The following TENM2 variants were observed in gnomAD, a reference collection of about 807,000 sequenced individuals.
TENM2 encodes the protein teneurin transmembrane protein 2, also known as teneurin-2.
In TENM2, 52 loss-of-function variants were observed where a neutral mutation model predicts 245.2. The observed-to-expected ratio is 0.21, with a 90% CI of 0.17 to 0.27. The LOEUF is 0.27. Among genes scored for constraint, TENM2 ranks in the 10% least tolerant of loss-of-function variants. The probability of loss-of-function intolerance (pLI) is 1.00; values close to 1 mark genes in which losing one functional copy is unlikely to be tolerated. For synonymous variants in TENM2, 1,363 were observed against 1,438.9 expected (o/e 0.95, Z 1.19); for missense variants, 3,046 against 3,666.8 (o/e 0.83, Z 4.37).
At chr5:167,091,694 T>C in the TENM2 span, among the ~76,000 whole-genome samples, 3 of 152,198 alleles carry the variant, frequency 2.0e-5, no homozygotes, top group Non-Finnish European at 4.4e-5. Flanking sequence ...AAAGACATTA[T>C]CTTTAAAAAA....
chr5:168,035,299 C>T (rs925417666), intron 5 of TENM2, among the ~76,000 whole-genome samples: 1 of 152,114 alleles, frequency 6.6e-6, no homozygotes, highest in African/African-American at 2.4e-5. Context: ...GAGTTTGAGA[C>T]CAGCCTGGCC....
chr5:168,118,628 T>G, intron 10 of TENM2, 142 bp downstream of exon 12: 1 of 564,048 alleles, frequency 1.8e-6, no homozygotes, highest in South Asian at 5.6e-5. Context: ...CAAACTCCTT[T>G]GCTTTGATAA....
chr5:167,973,490 C>T (rs1781955058), intron 4 of TENM2, among the ~76,000 whole-genome samples: 1 of 152,134 alleles, frequency 6.6e-6, no homozygotes, highest in Non-Finnish European at 1.5e-5. Flanking sequence ...GAATCACAGT[C>T]TAGTGGGAGA....
chr5:167,643,830 T>TG (rs1237295739), intron 2 of TENM2, among the ~76,000 whole-genome samples: 7 of 152,238 alleles, frequency 4.6e-5, no homozygotes, highest in Non-Finnish European at 1.0e-4. Context: ...GAGGGTGCTA[T>TG]GATGCAAATA....
intron 2 of TENM2, among the ~76,000 whole-genome samples, chr5:167,785,475 G>T (rs148068696): frequency 6.6e-6 from 1 of 152,264 alleles, no homozygotes; most frequent in East Asian, 1.9e-4. Flanking sequence ...TTCTAGTCCT[G>T]CAGGAAAAGG....
At chr5:167,875,864 G>C in intron 2 of TENM2, 122 bp from the exon 5 acceptor site, 1 of 660,434 alleles carries the variant, frequency 1.5e-6, no homozygotes, top group Non-Finnish European at 2.6e-6. Context: ...CACATCTGGA[G>C]CAGTTCATTT....
At chr5:167,775,662 A>C (rs984723373) in intron 2 of TENM2, among the ~76,000 whole-genome samples, 3 of 152,168 alleles carry the variant, frequency 2.0e-5, no homozygotes, top group Admixed American at 6.5e-5. Context: ...TACTCTGGGC[A>C]CATTCTGTGT....
At chr5:167,145,744 A>G in the TENM2 span, among the ~76,000 whole-genome samples, 2 of 152,160 alleles carry the variant, frequency 1.3e-5, no homozygotes, top group Non-Finnish European at 2.9e-5. Context: ...TACAATGCCA[A>G]TGGGACTGAA....
At chr5:167,221,926 A>G in the TENM2 span, among the ~76,000 whole-genome samples, 3 of 152,326 alleles carry the variant, frequency 2.0e-5, no homozygotes, top group East Asian at 1.9e-4. Flanking sequence ...ATAGACTTCT[A>G]TTTGAAAGAC....
chr5:167,452,931 T>TTTTATATATATATATATA (rs1264260420), intron 2 of TENM2, among the ~76,000 whole-genome samples: 5 of 4,872 alleles, frequency 1.0e-3, no homozygotes, highest in African/African-American at 1.4e-3. Flanking sequence ...AAAGTATGAT[T>TTTTATATATATATATATA]TATATATATA....
At chr5:167,560,894 A>C (rs1773542290) in intron 2 of TENM2, among the ~76,000 whole-genome samples, 1 of 147,788 alleles carries the variant, frequency 6.8e-6, no homozygotes, top group Non-Finnish European at 1.5e-5. Flanking sequence ...GAGGCATTAG[A>C]TTGTCATGAA....
intron 2 of TENM2, among the ~76,000 whole-genome samples, chr5:167,604,760 G>T (rs1776905550): frequency 6.6e-6 from 1 of 152,196 alleles, no homozygotes; most frequent in African/African-American, 2.4e-5. Flanking sequence ...AGGGATATAA[G>T]CAAACCTAGG....
intron 2 of TENM2, among the ~76,000 whole-genome samples, chr5:167,518,744 G>T (rs1438021087): frequency 6.6e-6 from 1 of 152,122 alleles, no homozygotes; most frequent in Non-Finnish European, 1.5e-5. Flanking sequence ...TCAGTACTAG[G>T]CTAGAATTTT....
At chr5:167,427,034 A>T (rs946828195) in intron 2 of TENM2, among the ~76,000 whole-genome samples, 5 of 152,166 alleles carry the variant, frequency 3.3e-5, no homozygotes, top group African/African-American at 1.2e-4. Flanking sequence ...ACATGTGGTC[A>T]GGATGCCTTC....
chr5:167,349,157 T>G (rs1581803946), intron 1 of TENM2, among the ~76,000 whole-genome samples: 1 of 152,198 alleles, frequency 6.6e-6, no homozygotes, highest in East Asian at 1.9e-4. Flanking sequence ...TCCAAAAGGA[T>G]TGCTCATGCT....
In TENM2 at chr5:167,437,727, T is replaced by C. The variant is rs1382598407; in HGVS notation, c.502+62254T>C. Among the ~76,000 whole-genome samples the C allele has an allele frequency of 2.0e-5, 3 of 152,212 alleles. No individual in the cohort carries two copies. The East Asian group carries it at 5.8e-4, about 29-fold the overall frequency. ...GCGGGTCTTTCCTGCCCTGTTCTTG[T>C]GATAGTGAATGAGTCTCACGAGATC... On this transcript the variant is annotated intron_variant, in intron 2 of 28. Coordinates refer to ENST00000518659, the Ensembl canonical transcript of TENM2.
intron 2 of TENM2, among the ~76,000 whole-genome samples, chr5:167,640,859 CCATATATATA>C (rs1779523595): frequency 1.1e-4 from 1 of 9,180 alleles, no homozygotes; most frequent in Non-Finnish European, 2.1e-4. Context: ...ATATATATAT[CCATATATATA>C]TATATATATA....
the TENM2 span, among the ~76,000 whole-genome samples, chr5:167,105,617 G>T: frequency 6.6e-6 from 1 of 151,858 alleles, no homozygotes; most frequent in Non-Finnish European, 1.5e-5. Context: ...GGCCGGGCGC[G>T]GTGGCTCACG....
intron 2 of TENM2, among the ~76,000 whole-genome samples, chr5:167,552,749 G>A (rs1773033748): frequency 6.6e-6 from 1 of 152,168 alleles, no homozygotes; most frequent in African/African-American, 2.4e-5. Flanking sequence ...TTCTCTTTCT[G>A]TCTCTAGGGA....
Sources: gnomAD v4.1 joint callset for allele counts (sites outside exome capture counted in the v4.1 genomes callset) on GRCh38, gnomAD v4.1.1 for gene constraint, MANE v1.5 for transcripts, NCBI Gene and HGNC (gene_info 2026-07-23, HGNC 2026-07-21) for gene names.